The following DCAF6 variants were observed in gnomAD, a reference collection of about 807,000 sequenced individuals.
The protein encoded by DCAF6 is DDB1- and CUL4-associated factor 6.
A neutral mutation model predicts 125.1 loss-of-function variants in DCAF6; 54 were observed. That is an observed-to-expected ratio of 0.43 (90% CI 0.35 to 0.54). The LOEUF (loss-of-function observed/expected upper bound fraction) is 0.54. Among genes scored for constraint, DCAF6 ranks in the 20% least tolerant of loss-of-function variants. DCAF6 has a pLI of 0.01. For synonymous variants in DCAF6, 371 were observed against 390.4 expected, an observed-to-expected ratio of 0.95 and a Z score of 0.58; for missense variants, 934 against 1,161.7, an observed-to-expected ratio of 0.80 and a Z score of 2.85.
At chr1:167,949,144 A>C (rs1032051375) in intron 1 of DCAF6, among the ~76,000 whole-genome samples, 3 of 152,242 alleles carry the variant, frequency 2.0e-5, no homozygotes, top group African/African-American at 7.2e-5. Context: ...AATATAAAAG[A>C]ATGCCAGAGT....
chr1:168,063,831 A>ATCT (rs1691930164), intron 18 of DCAF6, 72 bp downstream of exon 18: 3 of 1,411,814 alleles, frequency 2.1e-6, no homozygotes, highest in Middle Eastern at 3.5e-4. Flanking sequence ...ATAATGATTT[A>ATCT]TCTTCATATA....
At chr1:167,901,855 C>T in the DCAF6 span, 5 of 1,613,748 alleles carry the variant, frequency 3.1e-6, no homozygotes, top group African/African-American at 1.3e-5. Context: ...GGGGATCAAT[C>T]TATTTTGTAT....
At chr1:168,068,243 A>G (rs866333967) in intron 20 of DCAF6, 115 bp from the exon 21 acceptor site, 110 of 605,050 alleles carry the variant, frequency 1.8e-4, no homozygotes, top group Middle Eastern at 1.3e-3. Context: ...TCAGACGCAT[A>G]AAGAATGAAG....
intron 10 of DCAF6, among the ~76,000 whole-genome samples, chr1:168,012,212 G>A (rs1684396674): frequency 6.6e-6 from 1 of 152,164 alleles, no homozygotes; most frequent in African/African-American, 2.4e-5. Context: ...CAGAGTCCAG[G>A]ACAAAAATAC....
At position 167,991,222 on chromosome 1, in the gene DCAF6, C is replaced by A; in HGVS notation, c.571C>A (p.Arg191=). 6.2e-7 allele frequency: 1 copy of A among 1,611,476 alleles called. No homozygotes were observed. Among genetic ancestry groups the A allele is most frequent in the South Asian group, 1.1e-5 (1 of 90,840 alleles). The change falls in exon 6 of 22, where the codon CGA becomes AGA. Residue 191 remains arginine (R), a synonymous_variant. Coordinates refer to ENST00000367840, the MANE Select transcript of DCAF6 (RefSeq NM_001198956.2). Reference sequence around the variant, plus strand: ...TTTGTAGGATATTTTAATTAACTGTCGACGTGCTGCCACGTCTGTTGCTAT... The same window carrying A: ...TTTGTAGGATATTTTAATTAACTGTAGACGTGCTGCCACGTCTGTTGCTAT... ...DCKDDILINC[R]RAATSVAICP...
chr1:167,953,903 A>C (rs925153540), intron 2 of DCAF6, among the ~76,000 whole-genome samples: 1 of 151,492 alleles, frequency 6.6e-6, no homozygotes, highest in Non-Finnish European at 1.5e-5. Flanking sequence ...CTGGCCCAAC[A>C]TTTTTTTCAA....
rs376255164 is a variant in DCAF6, at chr1:167,991,178, A to G, written c.553-26A>G. ...TCACCTCTGCTGTATAACTATATGTAATTGGTATTATGTTATGTTTTGTAG... is the reference window on the plus strand; with the variant it reads ...TCACCTCTGCTGTATAACTATATGTGATTGGTATTATGTTATGTTTTGTAG... On this transcript the variant is annotated intron_variant, in intron 5 of 21. Coordinates refer to ENST00000367840, the MANE Select transcript of DCAF6 (RefSeq NM_001198956.2). 7 of 1,587,282 alleles carry G rather than the reference A, an allele frequency of 4.4e-6. No homozygotes were observed. The African/African-American group carries it at 9.5e-5, about 22-fold the overall frequency.
At chr1:168,038,249 T>G in intron 12 of DCAF6, 122 bp from the exon 13 acceptor site, 1 of 704,264 alleles carries the variant, frequency 1.4e-6, no homozygotes. Flanking sequence ...ATGAAACCCA[T>G]AACAGATGTG....
At chr1:167,889,719 A>G in the DCAF6 span, among the ~76,000 whole-genome samples, 2 of 152,086 alleles carry the variant, frequency 1.3e-5, no homozygotes, top group Non-Finnish European at 2.9e-5. Context: ...GTTACTTGTT[A>G]TTTATCTGTT....
At chr1:168,069,998 A>G (rs565698019) in intron 21 of DCAF6, among the ~76,000 whole-genome samples, 2 of 152,280 alleles carry the variant, frequency 1.3e-5, no homozygotes, top group South Asian at 4.2e-4. Context: ...TATCTAGTGG[A>G]TGGCTCTTCC....
Position 168,004,683 on chromosome 1 carries a change from C to T in DCAF6, c.1268C>T (p.Ser423Leu), listed in dbSNP as rs199631459. 59 of 1,614,000 alleles carry T rather than the reference C, an allele frequency of 3.7e-5. No individual in the cohort carries two copies. The East Asian group carries it at 6.0e-4, about 16-fold the overall frequency. Residue 423 changes from serine (S) to leucine (L), a missense_variant, in exon 10 of 22, where the codon TCG (serine) becomes TTG (leucine). This residue lies in a region of DCAF6 where 559 missense variants were observed against 635.5 expected (regional missense o/e 0.88). Coordinates refer to ENST00000367840, the MANE Select transcript of DCAF6 (RefSeq NM_001198956.2). ...TCTACAATGTCAGCTCAGGCTCATT[C>T]GACATCATCTCCCACAGAAAGCCCT... Reference protein sequence around the residue: ...TSSTMSAQAHSTSSPTESPHS... With the variant: ...TSSTMSAQAHLTSSPTESPHS...
chr1:167,880,545 G>A, the DCAF6 span: 1 of 1,614,158 alleles, frequency 6.2e-7, no homozygotes, highest in African/African-American at 1.3e-5. Context: ...ACATTCCAGA[G>A]CATGAGTGAG....
At chr1:168,010,624 A>G (rs1299501112) in intron 10 of DCAF6, among the ~76,000 whole-genome samples, 2 of 152,150 alleles carry the variant, frequency 1.3e-5, no homozygotes, top group East Asian at 1.9e-4. Context: ...ACATTTAACA[A>G]AAGACTGCTT....
At chr1:167,978,590 G>A (rs965400451) in intron 4 of DCAF6, among the ~76,000 whole-genome samples, 1 of 151,932 alleles carries the variant, frequency 6.6e-6, no homozygotes, top group African/African-American at 2.4e-5. Context: ...TTAATTTATA[G>A]GAGTTTTTGA....
At chr1:168,024,824 A>AT (rs987895104) in intron 12 of DCAF6, among the ~76,000 whole-genome samples, 4 of 150,378 alleles carry the variant, frequency 2.7e-5, no homozygotes, top group African/African-American at 9.8e-5. Context: ...AAAAAAAAAG[A>AT]TTATTCCTTA....
chr1:168,064,351 A>T (rs544778508), intron 18 of DCAF6, among the ~76,000 whole-genome samples: 1 of 152,224 alleles, frequency 6.6e-6, no homozygotes, highest in South Asian at 2.1e-4. Context: ...AGTTTTTGAG[A>T]TGACTAGTGT....
rs916639025 is a variant in DCAF6 at position 168,010,362 on chromosome 1, C to T, written c.1379-5419C>T. Among the ~76,000 whole-genome samples, 37 of 152,068 alleles carry T rather than the reference C, an allele frequency of 2.4e-4. No homozygotes were observed. In the Middle Eastern group the frequency reaches 0.017, roughly 70 times the overall value. ...TGAAGCAGTGAGTGAGTTGAATACG[C>T]AAAATGAATGCCCTGAAGAATGGTA... is the stretch of plus-strand genomic sequence containing the variant. On this transcript the variant is annotated intron_variant, in intron 10 of 21. Transcript: ENST00000367840.
At chr1:168,045,430 T>A (rs1689045919) in intron 16 of DCAF6, among the ~76,000 whole-genome samples, 1 of 152,188 alleles carries the variant, frequency 6.6e-6, no homozygotes, top group Admixed American at 6.5e-5. Flanking sequence ...AATAGGGAAA[T>A]AAAAAGTCTT....
chr1:167,880,279 T>C, the DCAF6 span: 16 of 1,280,542 alleles, frequency 1.2e-5, no homozygotes, highest in Admixed American at 1.3e-4. Flanking sequence ...AATGTCTGGG[T>C]TGGGAAAGGG....
Sources: gnomAD v4.1 joint callset for allele counts (sites outside exome capture counted in the v4.1 genomes callset) on GRCh38, gnomAD v4.1.1 for gene constraint, gnomAD v4.1.1 regional missense constraint, MANE v1.5 for transcripts, NCBI Gene and HGNC (gene_info 2026-07-23, HGNC 2026-07-21) for gene names.